MCRS1: variants seen among roughly 807,000 people sequenced by gnomAD.
MCRS1 encodes the protein microspherule protein 1.
MCRS1 carries 22 observed loss-of-function variants against 62.9 expected under a neutral mutation model. The observed-to-expected ratio is 0.35, with a 90% CI of 0.25 to 0.50. The LOEUF (loss-of-function observed/expected upper bound fraction) is 0.50, where lower values mean the gene tolerates loss of function less well. Among genes scored for constraint, MCRS1 ranks in the 20% least tolerant of loss-of-function variants. The pLI is 0.98. For missense variants in MCRS1, 456 were observed against 601.1 expected, an observed-to-expected ratio of 0.76 and a Z score of 2.52; for synonymous variants, 244 against 233.5, an observed-to-expected ratio of 1.04 and a Z score of -0.41.
intron 9 of MCRS1, 46 bp from the exon 10 acceptor site, chr12:49,560,013 G>A: frequency 2.5e-6 from 4 of 1,613,040 alleles, no homozygotes; most frequent in Non-Finnish European, 3.4e-6. Context: ...CCTTCAGCTT[G>A]CCTGTTACTT....
At chr12:49,562,617 A>C (rs1452855651) in intron 8 of MCRS1, among the ~76,000 whole-genome samples, 1 of 152,276 alleles carries the variant, frequency 6.6e-6, no homozygotes, top group African/African-American at 2.4e-5. Context: ...GGTGGAAAAC[A>C]AACTGAAGGG....
chr12:49,566,629 C>T, intron 2 of MCRS1, 93 bp downstream of exon 2: 1 of 1,583,216 alleles, frequency 6.3e-7, no homozygotes, highest in South Asian at 1.1e-5. Context: ...CAAGGCCTAG[C>T]CAGGACCGAA....
At position 49,563,477 on chromosome 12, in the gene MCRS1, A is replaced by C. The variant is rs146749725; in HGVS notation, c.627T>G (p.Phe209Leu). The C allele has an allele frequency of 8.1e-6, 13 of 1,612,928 alleles. No homozygotes were observed. The Middle Eastern group carries it at 5.0e-4, about 61-fold the overall frequency. Reference sequence around the variant, plus strand: ...TCAGCAGCTGCTCCTCAGCCTTGCTAAACAGGGCCTTGCTCTGGATGGCTG... The same window carrying C: ...TCAGCAGCTGCTCCTCAGCCTTGCTCAACAGGGCCTTGCTCTGGATGGCTG... ...AIAAIQSKAL[F>L]SKAEEQLLSK... Residue 209 changes from phenylalanine (F) to leucine (L), a missense_variant, in exon 7 of 15, where the codon TTT becomes TTG. By Grantham distance (22) the Phe-to-Leu change is conservative. Transcript: ENST00000343810.
intron 7 of MCRS1, 108 bp downstream of exon 7, chr12:49,563,330 G>A: frequency 2.2e-6 from 3 of 1,353,172 alleles, no homozygotes; most frequent in Non-Finnish European, 3.1e-6. Flanking sequence ...ACGTGTGCAT[G>A]TGCACATATC....
Position 49,563,129 on chromosome 12 carries a change from G to A in MCRS1, c.677C>T (p.Pro226Leu), listed in dbSNP as rs377616980. ...CAGGTCCTGGAAGGTCTCCAAGGTG[G>A]GCTGGCTGGTCTAGAGGGCAAGAAA... is the stretch of plus-strand genomic sequence containing the variant. ...LLSKVGSTSQ[P>L]TLETFQDLLH... Residue 226 changes from proline to leucine, a missense_variant, in exon 8 of 15, where the codon CCC becomes CTC. Coordinates refer to ENST00000343810, the MANE Select transcript of MCRS1 (RefSeq NM_006337.5). 4 of 1,561,502 alleles carry A rather than the reference G, an allele frequency of 2.6e-6. No individual in the cohort carries two copies. In the African/African-American group the frequency reaches 5.4e-5, roughly 21 times the overall value.
chr12:49,562,900 ATC>A (rs970393420), intron 8 of MCRS1, 99 bp downstream of exon 8: 1 of 1,403,768 alleles, frequency 7.1e-7, no homozygotes, highest in Non-Finnish European at 9.5e-7. Context: ...TCACTGAGGA[ATC>A]TGTTACAGGG....
At chr12:49,560,577 G>C (rs1252717321) in intron 8 of MCRS1, among the ~76,000 whole-genome samples, 1 of 152,164 alleles carries the variant, frequency 6.6e-6, no homozygotes, top group Non-Finnish European at 1.5e-5. Context: ...TTCTAGAAAG[G>C]GAAGGAAATT....
chr12:49,566,068 C>T lies in MCRS1; in HGVS notation c.149+9G>A, dbSNP rs746285529. Reference sequence around the variant, plus strand: ...TTTCCCAGTTCCTGGCCCTCCGAACCCTTACTACCTGGAGGAGCTTCTCCG... The same window carrying T: ...TTTCCCAGTTCCTGGCCCTCCGAACTCTTACTACCTGGAGGAGCTTCTCCG... On this transcript the variant is annotated intron_variant, in intron 3 of 14. Transcript: ENST00000343810. 3 of 1,612,206 alleles carry T rather than the reference C, an allele frequency of 1.9e-6. No individual in the cohort carries two copies. The highest frequency in any genetic ancestry group is 1.7e-6 in the Non-Finnish European group (2 of 1,179,044).
chr12:49,566,279 C>G (rs1939055438), intron 2 of MCRS1, 64 bp from the exon 3 acceptor site: 12 of 1,577,118 alleles, frequency 7.6e-6, no homozygotes, highest in Non-Finnish European at 1.0e-5. Flanking sequence ...AAATGGGACC[C>G]CTCCCCAGCC....
At chr12:49,561,732 A>G (rs1329079067) in intron 8 of MCRS1, among the ~76,000 whole-genome samples, 1 of 152,174 alleles carries the variant, frequency 6.6e-6, no homozygotes, top group Non-Finnish European at 1.5e-5. Context: ...CGGGTTCAGC[A>G]ATTCTCCTGC....
rs1592526587 is a variant in MCRS1 at position 49,563,638 on chromosome 12, G to A, written c.558-92C>T. On this transcript the variant is annotated intron_variant, in intron 6 of 14. Coordinates refer to ENST00000343810, the MANE Select transcript of MCRS1 (RefSeq NM_006337.5). ...ATTTCCCCCAAACCTACAGGCTTTT[G>A]AGATCCAGAACCTAGAGGCCAGGCC... The A allele has an allele frequency of 4.3e-6, 4 of 938,372 alleles. No homozygotes were observed. In the African/African-American group the frequency reaches 6.6e-5, roughly 15 times the overall value. 58.1% of individuals were successfully genotyped at this position (938,372 alleles called of 1,614,324 possible). A position where few individuals can be genotyped will look rare whatever the true frequency, so the allele number is the denominator to read the frequency against.
chr12:49,559,849 G>A lies in MCRS1; in HGVS notation c.911-28C>T. The stretch of plus-strand genomic sequence containing the variant: ...GGGGTGAGGTGGGGTGGTAAGGAGG[G>A]ATGCTCTGAGGCCACCAGCACCTTG... On this transcript the variant is annotated intron_variant, in intron 10 of 14. Coordinates refer to ENST00000343810, the MANE Select transcript of MCRS1 (RefSeq NM_006337.5). The surrounding 1 kb of genome is among the most constrained non-coding windows in gnomAD (Gnocchi z 5.2). 2 of 1,614,112 alleles carry A rather than the reference G, an allele frequency of 1.2e-6. No individual in the cohort carries two copies. Among genetic ancestry groups the A allele is most frequent in the Non-Finnish European group, 1.7e-6 (2 of 1,179,952 alleles).
In MCRS1 at chr12:49,559,122, A is replaced by G; in HGVS notation, c.1174+92T>C. The G allele has an allele frequency of 6.6e-7, 1 of 1,526,238 alleles. No individual in the cohort carries two copies. The highest frequency in any genetic ancestry group is 9.0e-7 in the Non-Finnish European group (1 of 1,109,940). 94.5% of individuals were successfully genotyped at this position (1,526,238 alleles called of 1,614,324 possible). A position where few individuals can be genotyped will look rare whatever the true frequency, so the allele number is the denominator to read the frequency against. The stretch of plus-strand genomic sequence containing the variant: ...CCTCAGGTGGTCCACGAGGGTCCCC[A>G]TGGACACCAAGCCCAGGGCTAGAAA... On this transcript the variant is annotated intron_variant, in intron 13 of 14. Coordinates refer to ENST00000343810, the MANE Select transcript of MCRS1 (RefSeq NM_006337.5). The surrounding 1 kb of genome is among the most constrained non-coding windows in gnomAD (Gnocchi z 5.2).
chr12:49,566,583 C>A, intron 2 of MCRS1, 139 bp downstream of exon 2: 2 of 1,486,922 alleles, frequency 1.3e-6, no homozygotes, highest in Admixed American at 1.9e-5. Flanking sequence ...GCTCTGCCGA[C>A]AGGTACATGG....
chr12:49,566,349 G>C (rs1333164417), intron 2 of MCRS1, 134 bp from the exon 3 acceptor site: 1 of 1,561,328 alleles, frequency 6.4e-7, no homozygotes, highest in African/African-American at 1.4e-5. Context: ...GAGGTTTTAA[G>C]GTAGAGTTCC....
intron 6 of MCRS1, among the ~76,000 whole-genome samples, chr12:49,564,074 G>T (rs1453992113): frequency 6.6e-6 from 1 of 152,178 alleles, no homozygotes; most frequent in Non-Finnish European, 1.5e-5. Context: ...GAGCTAGAAG[G>T]GGGCTTGGTG....
Position 49,564,605 on chromosome 12 carries a change from A to G in MCRS1, c.448-15T>C, listed in dbSNP as rs771945524. 1.2e-6 allele frequency: 2 copies of G among 1,609,208 alleles called. No homozygotes were observed. The highest frequency in any genetic ancestry group is 1.7e-6 in the Non-Finnish European group (2 of 1,177,666). On this transcript the variant is annotated splice_polypyrimidine_tract_variant and intron_variant, in intron 5 of 14. Transcript: ENST00000343810. The stretch of plus-strand genomic sequence containing the variant: ...AGGTCGTTGGTCTGCAAGGCCCCAG[A>G]AGGATTTGCTCCAGCCTTGGAGCTG...
rs762317153 is a variant in MCRS1, at chr12:49,564,791, A to T, written c.393T>A (p.Asp131Glu). ...CATCTGCAGGCTTCCAGCGGCCCAG[A>T]TCCTTGGTCACCTGAAGTGGCTGTT... ...KSKQPLQVTK[D>E]LGRWKPADDL... Residue 131 changes from aspartate to glutamate, a missense_variant, in exon 5 of 15, where the codon GAT (aspartate) becomes GAA (glutamate). This residue lies in a region of MCRS1 where 393 missense variants were observed against 523.5 expected (regional missense o/e 0.75). Transcript: ENST00000343810. 1 of 1,613,972 alleles carries T rather than the reference A, an allele frequency of 6.2e-7. No homozygotes were observed. The highest frequency in any genetic ancestry group is 8.5e-7 in the Non-Finnish European group (1 of 1,179,962).
intron 7 of MCRS1, 29 bp downstream of exon 7, chr12:49,563,409 T>C (rs766004196): frequency 6.0e-5 from 96 of 1,591,088 alleles, no homozygotes; most frequent in Non-Finnish European, 8.1e-5. Context: ...TGTGCCCTGA[T>C]CCTCCACCTT....
Sources: allele counts gnomAD v4.1 joint callset (sites outside exome capture counted in the v4.1 genomes callset), GRCh38; gene constraint gnomAD v4.1.1; regional missense constraint gnomAD v4.1.1; non-coding constraint Gnocchi (gnomAD v3.1); transcripts MANE v1.5; gene names NCBI Gene and HGNC (gene_info 2026-07-23, HGNC 2026-07-21).